PTPRD: variants seen among roughly 807,000 people sequenced by gnomAD.
The protein encoded by PTPRD is receptor-type tyrosine-protein phosphatase delta.
A neutral mutation model predicts 214.5 loss-of-function variants in PTPRD; 34 were observed. The observed-to-expected ratio is 0.16, with a 90% confidence interval of 0.12 to 0.21. PTPRD has a LOEUF of 0.21. Ranked by LOEUF, PTPRD falls within the 10% of genes least tolerant of loss-of-function variation. The pLI is 1.00. For synonymous variants in PTPRD, 1,128 were observed against 845.7 expected (o/e 1.33, Z -5.79); for missense variants, 2,545 against 2,398.7 (o/e 1.06, Z -1.27).
intron 11 of PTPRD, among the ~76,000 whole-genome samples, chr9:8,793,647 A>T (rs564233340): frequency 6.6e-6 from 1 of 152,334 alleles, no homozygotes; most frequent in African/African-American, 2.4e-5. Context: ...CATTCAGAAC[A>T]CTTTTGTTTG....
intron 11 of PTPRD, among the ~76,000 whole-genome samples, chr9:8,823,823 A>C (rs939995666): frequency 1.3e-5 from 2 of 152,240 alleles, no homozygotes; most frequent in African/African-American, 4.8e-5. Context: ...GTGCAAAGTG[A>C]AAGCAAGTTC....
chr9:8,557,997 A>G (rs1318719019), intron 14 of PTPRD, among the ~76,000 whole-genome samples: 2 of 152,034 alleles, frequency 1.3e-5, no homozygotes, highest in Non-Finnish European at 2.9e-5. Context: ...TTAACTGTGA[A>G]GCCTGAAAAA....
intron 11 of PTPRD, among the ~76,000 whole-genome samples, chr9:8,842,678 C>A (rs1455493325): frequency 6.6e-6 from 1 of 152,056 alleles, no homozygotes; most frequent in Non-Finnish European, 1.5e-5. Context: ...CTCATCTGGC[C>A]CTAGATTTCT....
At chr9:9,949,761 G>T (rs1440790000) in intron 4 of PTPRD, among the ~76,000 whole-genome samples, 1 of 152,120 alleles carries the variant, frequency 6.6e-6, no homozygotes, top group Non-Finnish European at 1.5e-5. Context: ...TGTAGACTCA[G>T]GTCATGTGTT....
intron 10 of PTPRD, among the ~76,000 whole-genome samples, chr9:9,102,940 A>C (rs1399083359): frequency 6.6e-6 from 1 of 152,192 alleles, no homozygotes; most frequent in Non-Finnish European, 1.5e-5. Context: ...GCAAATAGAA[A>C]ACTAAAGCAG....
chr9:9,884,940 T>C (rs762969242), intron 5 of PTPRD, among the ~76,000 whole-genome samples: 2 of 152,100 alleles, frequency 1.3e-5, no homozygotes, highest in African/African-American at 4.8e-5. Flanking sequence ...CCCAGTCTCA[T>C]GTATGTCTTT....
intron 2 of PTPRD, among the ~76,000 whole-genome samples, chr9:10,437,741 G>T (rs113862639): frequency 6.6e-6 from 1 of 151,112 alleles, no homozygotes; most frequent in Non-Finnish European, 1.5e-5. Flanking sequence ...AAATTCCAAC[G>T]ATTCCACAGA....
At chr9:8,726,026 G>GACAGAC (rs1416841611) in intron 12 of PTPRD, among the ~76,000 whole-genome samples, 125 of 139,588 alleles carry the variant, frequency 9.0e-4, no homozygotes, top group East Asian at 3.3e-3. Flanking sequence ...CAGACAGACA[G>GACAGAC]ACACACACAC....
intron 2 of PTPRD, among the ~76,000 whole-genome samples, chr9:10,344,685 T>C (rs553042961): frequency 6.6e-6 from 1 of 152,306 alleles, no homozygotes; most frequent in South Asian, 2.1e-4. Flanking sequence ...CTTCCATTTG[T>C]TTGTGCCCTC....
At chr9:8,757,014 C>T (rs1296178787) in intron 11 of PTPRD, among the ~76,000 whole-genome samples, 1 of 152,024 alleles carries the variant, frequency 6.6e-6, no homozygotes, top group Non-Finnish European at 1.5e-5. Flanking sequence ...TGGTGATGGA[C>T]ACCTGTAATC....
chr9:9,821,319 T>C (rs1049696949), intron 5 of PTPRD, among the ~76,000 whole-genome samples: 4 of 152,196 alleles, frequency 2.6e-5, no homozygotes, highest in African/African-American at 9.6e-5. Context: ...CACTGAAATG[T>C]CAAATGTAAT....
intron 14 of PTPRD, among the ~76,000 whole-genome samples, chr9:8,577,670 GTC>G (rs1187089380): frequency 6.6e-6 from 1 of 152,154 alleles, no homozygotes; most frequent in Non-Finnish European, 1.5e-5. Context: ...AGCATTGCCT[GTC>G]TCTATTCTGG....
rs544593402 is a variant in PTPRD, at chr9:8,795,175, AT to A, written c.-103-61230del. ...TTTATTTTATATGAAGAAAAAAAAA[AT>A]TTTTTTTGAGATGAGTCTCACTCTG... is the stretch of plus-strand genomic sequence containing the variant. On this transcript the variant is annotated intron_variant, in intron 11 of 45. Coordinates refer to ENST00000381196, the MANE Select transcript of PTPRD (RefSeq NM_002839.4). Among the ~76,000 whole-genome samples the A allele has an allele frequency of 1.2e-3, 179 of 151,206 alleles. 1 individual carries two copies. The highest frequency in any genetic ancestry group is 4.3e-3 in the African/African-American group (174 of 40,880).
At chr9:8,844,055 C>G (rs774142929) in intron 11 of PTPRD, among the ~76,000 whole-genome samples, 7 of 152,168 alleles carry the variant, frequency 4.6e-5, no homozygotes, top group Non-Finnish European at 8.8e-5. Flanking sequence ...TTGGTTCTCT[C>G]TCATCCAGAC....
At chr9:8,596,721 CTG>C (rs2094495722) in intron 14 of PTPRD, among the ~76,000 whole-genome samples, 1 of 152,046 alleles carries the variant, frequency 6.6e-6, no homozygotes, top group African/African-American at 2.4e-5. Flanking sequence ...TTAATAAAAT[CTG>C]TGTTAAGAGT....
intron 9 of PTPRD, among the ~76,000 whole-genome samples, chr9:9,221,709 T>C (rs961136449): frequency 3.3e-5 from 5 of 152,136 alleles, no homozygotes; most frequent in Non-Finnish European, 5.9e-5. Flanking sequence ...TACAGTTACA[T>C]TGGGTGTTGG....
chr9:10,260,352 T>G (rs1243610422), intron 3 of PTPRD, among the ~76,000 whole-genome samples: 2 of 152,174 alleles, frequency 1.3e-5, no homozygotes, highest in Non-Finnish European at 1.5e-5. Flanking sequence ...TTATATCCTT[T>G]TATCAGTAAC....
intron 7 of PTPRD, among the ~76,000 whole-genome samples, chr9:9,703,597 T>G (rs1013491513): frequency 1.3e-5 from 2 of 152,150 alleles, no homozygotes; most frequent in Non-Finnish European, 1.5e-5. Flanking sequence ...GCATAGCATA[T>G]TAATTTAAAT....
chr9:8,704,537 T>C (rs2098160319), intron 12 of PTPRD, among the ~76,000 whole-genome samples: 1 of 152,148 alleles, frequency 6.6e-6, no homozygotes, highest in South Asian at 2.1e-4. Flanking sequence ...AATGTCTCCC[T>C]TACAGGGGAT....
Sources: allele counts gnomAD v4.1 joint callset (sites outside exome capture counted in the v4.1 genomes callset), GRCh38; gene constraint gnomAD v4.1.1; transcripts MANE v1.5; gene names NCBI Gene and HGNC (gene_info 2026-07-23, HGNC 2026-07-21).